The following GALNT13 variants were observed in gnomAD, a reference collection of about 807,000 sequenced individuals.
GALNT13 encodes polypeptide N-acetylgalactosaminyltransferase 13.
In GALNT13, 28 loss-of-function variants were observed where a neutral mutation model predicts 64.2. That is an observed-to-expected ratio of 0.44 (90% CI 0.32 to 0.60). The LOEUF is 0.60. GALNT13 is among the 20% of genes least tolerant of loss of function. The pLI is 0.05. For missense variants in GALNT13, 577 were observed against 669.8 expected (o/e 0.86, Z 1.53); for synonymous variants, 214 against 224.6 (o/e 0.95, Z 0.42).
chr2:153,860,229 T>C, the GALNT13 span, among the ~76,000 whole-genome samples: 1 of 152,246 alleles, frequency 6.6e-6, no homozygotes, highest in African/African-American at 2.4e-5. Flanking sequence ...AGAAGAATTC[T>C]GAATTTTCAA....
the GALNT13 span, among the ~76,000 whole-genome samples, chr2:153,433,377 C>T: frequency 6.6e-6 from 1 of 152,234 alleles, no homozygotes; most frequent in Non-Finnish European, 1.5e-5. Context: ...ATTTAGTGGA[C>T]AATTATATGT....
chr2:153,744,453 C>T, the GALNT13 span, among the ~76,000 whole-genome samples: 7 of 152,048 alleles, frequency 4.6e-5, no homozygotes, highest in Non-Finnish European at 7.4e-5. Context: ...TTTTCATATG[C>T]GTATGTCCCA....
the GALNT13 span, among the ~76,000 whole-genome samples, chr2:153,709,415 G>T: frequency 6.6e-6 from 1 of 151,928 alleles, no homozygotes; most frequent in Non-Finnish European, 1.5e-5. Context: ...TAATCATTAG[G>T]GAAATGAAAA....
At chr2:153,127,172 G>C in the GALNT13 span, among the ~76,000 whole-genome samples, 2 of 152,038 alleles carry the variant, frequency 1.3e-5, no homozygotes, top group African/African-American at 4.8e-5. Context: ...GTCTTTGCTG[G>C]TAATGCAATA....
intron 9 of GALNT13, among the ~76,000 whole-genome samples, chr2:154,322,329 C>T (rs1190987140): frequency 1.3e-5 from 2 of 151,766 alleles, no homozygotes; most frequent in Non-Finnish European, 2.9e-5. Flanking sequence ...ACCATTTTCT[C>T]CCACTTGATC....
At chr2:153,876,341 T>A (rs564312502) in intron 1 of GALNT13, among the ~76,000 whole-genome samples, 1 of 152,158 alleles carries the variant, frequency 6.6e-6, no homozygotes, top group Non-Finnish European at 1.5e-5. Context: ...ATTAGACTTC[T>A]GTTTACAATT....
At chr2:153,518,768 T>C in the GALNT13 span, among the ~76,000 whole-genome samples, 1 of 152,090 alleles carries the variant, frequency 6.6e-6, no homozygotes, top group Non-Finnish European at 1.5e-5. Context: ...GTTTAGTGGG[T>C]TCCTAGAACA....
chr2:153,338,883 G>C, the GALNT13 span, among the ~76,000 whole-genome samples: 1 of 152,238 alleles, frequency 6.6e-6, no homozygotes, highest in East Asian at 1.9e-4. Flanking sequence ...TGCGATATCT[G>C]TCTTTCTGTG....
At chr2:154,140,214 A>G (rs1327259403) in intron 3 of GALNT13, 123 bp from the exon 4 acceptor site, 2 of 659,622 alleles carry the variant, frequency 3.0e-6, no homozygotes, top group South Asian at 2.6e-5. Context: ...AATCTTGATC[A>G]TTATATTATA....
the GALNT13 span, among the ~76,000 whole-genome samples, chr2:153,669,804 T>C: frequency 6.6e-6 from 1 of 152,154 alleles, no homozygotes; most frequent in Admixed American, 6.5e-5. Flanking sequence ...GGAGGAATGG[T>C]ATACTTCTGC....
At chr2:153,564,574 G>A in the GALNT13 span, among the ~76,000 whole-genome samples, 2 of 151,462 alleles carry the variant, frequency 1.3e-5, no homozygotes, top group East Asian at 3.9e-4. Context: ...AATTCAAGTG[G>A]GGTCAACATA....
At chr2:153,820,857 C>G in the GALNT13 span, among the ~76,000 whole-genome samples, 1 of 151,926 alleles carries the variant, frequency 6.6e-6, no homozygotes, top group Non-Finnish European at 1.5e-5. Flanking sequence ...CAAAACCTTA[C>G]ATATCAATAT....
At chr2:153,089,358 G>C in the GALNT13 span, among the ~76,000 whole-genome samples, 4 of 152,118 alleles carry the variant, frequency 2.6e-5, no homozygotes, top group Admixed American at 2.6e-4. Context: ...AATCTGATAT[G>C]TTTTCCTTTC....
At chr2:153,204,787 G>A in the GALNT13 span, among the ~76,000 whole-genome samples, 1 of 152,138 alleles carries the variant, frequency 6.6e-6, no homozygotes, top group Non-Finnish European at 1.5e-5. Context: ...TGAAGGAGAT[G>A]AGTCAACTAT....
rs1559102558 is a variant in GALNT13 at position 154,344,462 on chromosome 2, T to C, written c.1156+42873T>C. Among the ~76,000 whole-genome samples the C allele has an allele frequency of 5.3e-5, 5 of 94,988 alleles. 1 individual carries two copies. The South Asian group carries it at 1.7e-3, about 33-fold the overall frequency. 62.3% of individuals were successfully genotyped at this position (94,988 alleles called of 152,430 possible). On this transcript the variant is annotated intron_variant, in intron 9 of 12. Transcript: ENST00000392825. Reference sequence around the variant, plus strand: ...AAAATAAAACTGTGAAGATATTAGCTTGACATCATGGGGAAAAAATTGTTG... The same window carrying C: ...AAAATAAAACTGTGAAGATATTAGCCTGACATCATGGGGAAAAAATTGTTG...
At chr2:153,800,482 C>A in the GALNT13 span, among the ~76,000 whole-genome samples, 1 of 152,020 alleles carries the variant, frequency 6.6e-6, no homozygotes, top group Non-Finnish European at 1.5e-5. Flanking sequence ...TGGATTGATG[C>A]TTTATTTCAT....
the GALNT13 span, among the ~76,000 whole-genome samples, chr2:153,087,874 C>T: frequency 8.5e-5 from 13 of 152,180 alleles, 1 homozygote; most frequent in South Asian, 2.7e-3. Flanking sequence ...TCTTGGTAAT[C>T]TCACTAATGG....
At chr2:153,896,630 A>T (rs1174460238) in intron 1 of GALNT13, among the ~76,000 whole-genome samples, 1 of 152,064 alleles carries the variant, frequency 6.6e-6, no homozygotes, top group Non-Finnish European at 1.5e-5. Context: ...CAGATTTGTT[A>T]TATAGGCTAA....
At chr2:153,314,685 A>G in the GALNT13 span, among the ~76,000 whole-genome samples, 1 of 152,100 alleles carries the variant, frequency 6.6e-6, no homozygotes, top group South Asian at 2.1e-4. Context: ...AACAAATGGG[A>G]AAAGAAGAAA....
Sources: allele counts gnomAD v4.1 joint callset (sites outside exome capture counted in the v4.1 genomes callset), GRCh38; gene constraint gnomAD v4.1.1; transcripts MANE v1.5; gene names NCBI Gene and HGNC (gene_info 2026-07-23, HGNC 2026-07-21).